The following SCAMP1 variants were observed in gnomAD, a reference collection of about 807,000 sequenced individuals.
SCAMP1 encodes the protein secretory carrier-associated membrane protein 1.
SCAMP1 carries 15 observed loss-of-function variants against 41.8 expected under a neutral mutation model. That is an observed-to-expected ratio of 0.36 (90% CI 0.24 to 0.55). SCAMP1 has a LOEUF of 0.55. SCAMP1 is among the 20% of genes least tolerant of loss of function. The pLI is 0.86. For missense variants in SCAMP1, 341 were observed against 412.6 expected, an observed-to-expected ratio of 0.83 and a Z score of 1.50; for synonymous variants, 135 against 136.8, an observed-to-expected ratio of 0.99 and a Z score of 0.09.
chr5:78,466,905 C>T (rs572030996), intron 8 of SCAMP1, among the ~76,000 whole-genome samples: 4 of 152,160 alleles, frequency 2.6e-5, no homozygotes, highest in South Asian at 4.2e-4. Flanking sequence ...CAAGAGAAAA[C>T]GAGCAGGTAA....
chr5:78,430,040 A>G (rs1356697188), intron 6 of SCAMP1, among the ~76,000 whole-genome samples: 1 of 148,676 alleles, frequency 6.7e-6, no homozygotes, highest in Non-Finnish European at 1.5e-5. Flanking sequence ...TGTAAATAGT[A>G]TTTACAGTAT....
At chr5:78,469,118 A>G (rs562990793) in intron 8 of SCAMP1, among the ~76,000 whole-genome samples, 9 of 152,296 alleles carry the variant, frequency 5.9e-5, no homozygotes, top group African/African-American at 1.9e-4. Flanking sequence ...TTCAAGGATT[A>G]TCATCTATAC....
intron 6 of SCAMP1, among the ~76,000 whole-genome samples, chr5:78,430,309 T>G (rs1017377107): frequency 6.7e-6 from 1 of 149,864 alleles, no homozygotes; most frequent in African/African-American, 2.5e-5. Flanking sequence ...TATTTACAGC[T>G]GCACTTTCTA....
At chr5:78,371,989 AC>A (rs1336173542) in intron 1 of SCAMP1, among the ~76,000 whole-genome samples, 2 of 152,214 alleles carry the variant, frequency 1.3e-5, no homozygotes, top group Non-Finnish European at 2.9e-5. Context: ...AGAAGAAAAC[AC>A]AAAACATTTG....
intron 1 of SCAMP1, among the ~76,000 whole-genome samples, chr5:78,367,047 C>T: frequency 6.6e-6 from 1 of 152,070 alleles, no homozygotes; most frequent in East Asian, 1.9e-4. Flanking sequence ...TGAAAACTGT[C>T]TTTTAACATT....
chr5:78,464,122 C>T (rs111815313), intron 8 of SCAMP1, among the ~76,000 whole-genome samples: 4,297 of 149,714 alleles, frequency 0.029, 215 homozygotes, highest in African/African-American at 0.099. Flanking sequence ...GGACTACAGG[C>T]ATGCGCCACC....
rs373420765 is a variant in SCAMP1, at chr5:78,464,100, C to T, written c.852+4738C>T. ...TCAAGCGATTCTCCTGACTCAGCCT[C>T]CCAAGTAGCTGGGACTACAGGCATG... is the stretch of plus-strand genomic sequence containing the variant. On this transcript the variant is annotated intron_variant, in intron 8 of 8. Coordinates refer to ENST00000621999, the MANE Select transcript of SCAMP1 (RefSeq NM_004866.6). Among the ~76,000 whole-genome samples the T allele has an allele frequency of 7.6e-4, 116 of 152,102 alleles. 1 individual carries two copies. The highest frequency in any genetic ancestry group is 2.7e-3 in the African/African-American group (112 of 41,490).
chr5:78,470,965 T>C (rs1175287070), intron 8 of SCAMP1, among the ~76,000 whole-genome samples: 2 of 152,170 alleles, frequency 1.3e-5, no homozygotes, highest in Non-Finnish European at 2.9e-5. Context: ...ATTTGGTACC[T>C]TCTAAAAATT....
intron 7 of SCAMP1, among the ~76,000 whole-genome samples, chr5:78,451,420 A>G (rs1480837731): frequency 6.6e-6 from 1 of 152,220 alleles, no homozygotes; most frequent in African/African-American, 2.4e-5. Flanking sequence ...GCACATTTTC[A>G]TCACCAGAGG....
intron 3 of SCAMP1, 84 bp downstream of exon 3, chr5:78,415,702 A>G (rs2112136839): frequency 5.9e-6 from 5 of 844,730 alleles, no homozygotes; most frequent in South Asian, 1.7e-5. Context: ...AAATCTTTAT[A>G]TGGTTACATT....
chr5:78,447,053 C>T (rs1420034401), intron 6 of SCAMP1, among the ~76,000 whole-genome samples: 1 of 152,226 alleles, frequency 6.6e-6, no homozygotes, highest in East Asian at 1.9e-4. Flanking sequence ...CTCATAGGAG[C>T]ACAAACCCTA....
intron 8 of SCAMP1, among the ~76,000 whole-genome samples, chr5:78,471,543 A>G (rs186968458): frequency 6.6e-6 from 1 of 152,296 alleles, no homozygotes; most frequent in African/African-American, 2.4e-5. Context: ...CAGGGATCTT[A>G]ATAAAAGCAC....
At chr5:78,414,333 A>G (rs1028389045) in intron 2 of SCAMP1, among the ~76,000 whole-genome samples, 2 of 151,808 alleles carry the variant, frequency 1.3e-5, no homozygotes, top group African/African-American at 4.8e-5. Flanking sequence ...CCCAGGCTGG[A>G]GTGCAGTGGT....
At chr5:78,449,619 T>C (rs1753165974) in intron 6 of SCAMP1, among the ~76,000 whole-genome samples, 1 of 152,222 alleles carries the variant, frequency 6.6e-6, no homozygotes, top group African/African-American at 2.4e-5. Context: ...TGTAATTCTA[T>C]GATGCTGTTT....
chr5:78,402,584 A>G (rs1751826582), intron 2 of SCAMP1, among the ~76,000 whole-genome samples: 3 of 152,086 alleles, frequency 2.0e-5, no homozygotes, highest in Admixed American at 2.0e-4. Context: ...CTTTATCTCT[A>G]ATAACTTTCT....
intron 2 of SCAMP1, among the ~76,000 whole-genome samples, chr5:78,415,295 A>G (rs779386166): frequency 1.2e-4 from 19 of 152,274 alleles, no homozygotes; most frequent in Admixed American, 3.9e-4. Context: ...TTTGTCATAT[A>G]GTGTTATAAG....
At chr5:78,379,454 C>T (rs1003999823) in intron 1 of SCAMP1, among the ~76,000 whole-genome samples, 1 of 152,122 alleles carries the variant, frequency 6.6e-6, no homozygotes, top group Non-Finnish European at 1.5e-5. Context: ...CTTCCTAAAT[C>T]TAGTGTCATT....
At chr5:78,382,848 T>C (rs1242671717) in intron 1 of SCAMP1, among the ~76,000 whole-genome samples, 1 of 151,488 alleles carries the variant, frequency 6.6e-6, no homozygotes, top group Non-Finnish European at 1.5e-5. Flanking sequence ...CACTCGTTGA[T>C]TGATATGAAT....
chr5:78,458,358 A>T (rs1753488235), intron 7 of SCAMP1, among the ~76,000 whole-genome samples: 1 of 152,166 alleles, frequency 6.6e-6, no homozygotes, highest in Non-Finnish European at 1.5e-5. Flanking sequence ...CCATCCTAAT[A>T]GGTGTGTAGT....
Sources: allele counts gnomAD v4.1 joint callset (sites outside exome capture counted in the v4.1 genomes callset), GRCh38; gene constraint gnomAD v4.1.1; transcripts MANE v1.5; gene names NCBI Gene and HGNC (gene_info 2026-07-23, HGNC 2026-07-21).